The following DLG2 variants were observed in gnomAD, a reference collection of about 807,000 sequenced individuals.
DLG2 encodes disks large homolog 2.
A neutral mutation model predicts 132.5 loss-of-function variants in DLG2; 45 were observed. The observed-to-expected ratio is 0.34, with a 90% CI of 0.27 to 0.44. DLG2 has a LOEUF of 0.44. DLG2 is among the 20% of genes least tolerant of loss of function. DLG2 has a pLI of 1.00. For missense variants in DLG2, 1,045 were observed against 1,196.9 expected (o/e 0.87, Z 1.87); for synonymous variants, 424 against 419.6 (o/e 1.01, Z -0.13).
In DLG2 at chr11:85,148,701, C is replaced by T. The variant is rs559587963; in HGVS notation, c.282+5855G>A. ...AAATTTGCCCCCATTCTGTAGGTTG[C>T]CTGTTTGCTTTGATGATAGTTTCCT... On this transcript the variant is annotated intron_variant, in intron 5 of 27. Transcript: ENST00000376104. Among the ~76,000 whole-genome samples, 5 of 152,234 alleles carry T rather than the reference C, an allele frequency of 3.3e-5. No individual in the cohort carries two copies. In the South Asian group the frequency reaches 1.0e-3, roughly 32 times the overall value.
chr11:85,347,797 CTTTTTTTTT>C, intron 3 of DLG2, among the ~76,000 whole-genome samples: 1 of 94,942 alleles, frequency 1.1e-5, no homozygotes, highest in South Asian at 4.0e-4. Context: ...AAGAGGCACT[CTTTTTTTTT>C]TTTTTTTTTT....
intron 15 of DLG2, among the ~76,000 whole-genome samples, chr11:83,928,477 T>TA (rs1167415598): frequency 6.6e-6 from 1 of 150,448 alleles, no homozygotes; most frequent in Non-Finnish European, 1.5e-5. Flanking sequence ...TTTACATTCA[T>TA]AAAAAAGGAA....
chr11:84,998,643 C>G (rs1029499200), intron 6 of DLG2, among the ~76,000 whole-genome samples: 4 of 152,126 alleles, frequency 2.6e-5, no homozygotes, highest in African/African-American at 9.7e-5. Context: ...CCAAGAAAAT[C>G]TGAGCAGGTA....
At chr11:85,005,243 G>C (rs541748774) in intron 6 of DLG2, among the ~76,000 whole-genome samples, 18 of 152,270 alleles carry the variant, frequency 1.2e-4, no homozygotes, top group Admixed American at 5.2e-4. Flanking sequence ...ATTTAAAGTA[G>C]CTTTTTCTAA....
At chr11:84,058,994 G>A (rs1037719138) in intron 11 of DLG2, among the ~76,000 whole-genome samples, 8 of 151,910 alleles carry the variant, frequency 5.3e-5, no homozygotes, top group Non-Finnish European at 1.2e-4. Flanking sequence ...TTTACCATTT[G>A]TATCTGAAAA....
chr11:84,736,574 A>C (rs2063859595), intron 6 of DLG2, among the ~76,000 whole-genome samples: 1 of 151,884 alleles, frequency 6.6e-6, no homozygotes, highest in African/African-American at 2.4e-5. Context: ...ACTCAGCAAT[A>C]TTCTATAATT....
At chr11:84,835,330 AATCTTCC>A (rs2079602207) in intron 6 of DLG2, among the ~76,000 whole-genome samples, 2 of 151,700 alleles carry the variant, frequency 1.3e-5, no homozygotes, top group Admixed American at 1.3e-4. Context: ...CCTACATTTT[AATCTTCC>A]TGTGTTTGCT....
chr11:83,904,633 A>C lies in DLG2; in HGVS notation c.1496+25695T>G, dbSNP rs146336773. 2.4e-3 allele frequency among the ~76,000 whole-genome samples: 363 copies of C among 152,094 alleles called. 1 individual carries two copies. Among genetic ancestry groups the C allele is most frequent in the South Asian group, 0.021 (99 of 4,824 alleles). ...TACAGCCTTGAAAGATAGACACAGT[A>C]TCTCTGGAACTAGTTCTTTTGTTTA... On this transcript the variant is annotated intron_variant, in intron 15 of 27. Transcript: ENST00000376104.
chr11:84,741,192 G>C (rs907370186), intron 6 of DLG2, among the ~76,000 whole-genome samples: 2 of 146,528 alleles, frequency 1.4e-5, no homozygotes, highest in Non-Finnish European at 3.0e-5. Flanking sequence ...TCAGCCTCCC[G>C]AGTAGCTGGG....
intron 3 of DLG2, among the ~76,000 whole-genome samples, chr11:85,416,401 C>T (rs2089851063): frequency 6.6e-6 from 1 of 152,070 alleles, no homozygotes; most frequent in South Asian, 2.1e-4. Context: ...GTTCTTTTTG[C>T]TTAGAATTGT....
intron 8 of DLG2, among the ~76,000 whole-genome samples, chr11:84,218,041 G>A (rs1206211052): frequency 6.6e-6 from 1 of 152,026 alleles, no homozygotes; most frequent in African/African-American, 2.4e-5. Context: ...GGTGGCATGT[G>A]CCTGTAATCC....
At chr11:84,969,522 G>A (rs1250905317) in intron 6 of DLG2, among the ~76,000 whole-genome samples, 1 of 152,166 alleles carries the variant, frequency 6.6e-6, no homozygotes, top group Non-Finnish European at 1.5e-5. Context: ...CTTCCAATCT[G>A]GGACTCCATG....
intron 6 of DLG2, among the ~76,000 whole-genome samples, chr11:84,568,471 C>A (rs1240153059): frequency 6.6e-6 from 1 of 152,186 alleles, no homozygotes; most frequent in East Asian, 1.9e-4. Context: ...CGTGCCACTG[C>A]ACTGTAGCCT....
chr11:84,245,637 T>C (rs961641102), intron 8 of DLG2, among the ~76,000 whole-genome samples: 1 of 152,216 alleles, frequency 6.6e-6, no homozygotes, highest in African/African-American at 2.4e-5. Context: ...GTACTGCCAG[T>C]ACTTGCTAGA....
intron 18 of DLG2, among the ~76,000 whole-genome samples, chr11:83,767,648 C>T (rs2094199754): frequency 6.6e-6 from 1 of 152,176 alleles, no homozygotes; most frequent in Non-Finnish European, 1.5e-5. Flanking sequence ...GAAAAGGAAA[C>T]AATCATAGCC....
intron 7 of DLG2, among the ~76,000 whole-genome samples, chr11:84,466,862 G>C (rs2099095812): frequency 6.6e-6 from 1 of 151,228 alleles, no homozygotes; most frequent in African/African-American, 2.4e-5. Context: ...AAGTGAATAA[G>C]TAAAAATACT....
At chr11:85,522,887 A>G (rs1042274243) in intron 3 of DLG2, among the ~76,000 whole-genome samples, 2 of 152,184 alleles carry the variant, frequency 1.3e-5, no homozygotes, top group African/African-American at 4.8e-5. Context: ...CTTATCTCAG[A>G]TGAAACTTTG....
intron 7 of DLG2, among the ~76,000 whole-genome samples, chr11:84,321,257 T>C (rs2098402991): frequency 6.6e-6 from 1 of 152,186 alleles, no homozygotes; most frequent in Non-Finnish European, 1.5e-5. Flanking sequence ...CCCAGCATCA[T>C]TTCTGTGTAG....
chr11:85,030,148 A>G (rs764366200), intron 6 of DLG2, among the ~76,000 whole-genome samples: 16 of 152,256 alleles, frequency 1.1e-4, no homozygotes, highest in Admixed American at 5.2e-4. Context: ...AATTTAATTC[A>G]GCTAAAGTTT....
Sources: allele counts gnomAD v4.1 joint callset (sites outside exome capture counted in the v4.1 genomes callset), GRCh38; gene constraint gnomAD v4.1.1; transcripts MANE v1.5; gene names NCBI Gene and HGNC (gene_info 2026-07-23, HGNC 2026-07-21).